The following RBPMS variants were observed in gnomAD, a reference collection of about 807,000 sequenced individuals.
RBPMS encodes RNA binding protein, mRNA processing factor.
In RBPMS, 7 loss-of-function variants were observed where a neutral mutation model predicts 26.8. The observed-to-expected ratio is 0.26, with a 90% CI of 0.15 to 0.49. The LOEUF is 0.49. Among genes scored for constraint, RBPMS ranks in the 20% least tolerant of loss-of-function variants. The pLI is 0.98. For synonymous variants in RBPMS, 96 were observed against 93.3 expected (o/e 1.03, Z -0.17); for missense variants, 186 against 250.0 (o/e 0.74, Z 1.73).
rs1817320304 is a variant in RBPMS at position 30,473,171 on chromosome 8, C to T, written c.67-1608C>T. 3.3e-5 allele frequency among the ~76,000 whole-genome samples: 5 copies of T among 152,246 alleles called. No individual in the cohort carries two copies. The South Asian group carries it at 1.0e-3, about 32-fold the overall frequency. ...GGCTTTTGATGTTTTGTGTGTTTGA[C>T]CCTAAGCTTCTTGTTTAGTTTTGGC... On this transcript the variant is annotated intron_variant, in intron 1 of 8. Transcript: ENST00000397323.
chr8:30,504,163 T>G, intron 4 of RBPMS, 123 bp from the exon 5 acceptor site: 26 of 918,514 alleles, frequency 2.8e-5, no homozygotes, highest in Non-Finnish European at 4.0e-5. Context: ...GTAGTAAGAA[T>G]GAGAGTGGTT....
chr8:30,419,023 C>T, intron 1 of RBPMS, among the ~76,000 whole-genome samples: 1 of 145,852 alleles, frequency 6.9e-6, no homozygotes. Context: ...TTATCATTTG[C>T]TGTAAATGTC....
chr8:30,495,895 G>A (rs3824107), intron 4 of RBPMS, among the ~76,000 whole-genome samples: 29,814 of 152,110 alleles, frequency 0.2, 3,302 homozygotes, highest in South Asian at 0.39. Context: ...AAATCTTCAC[G>A]GAACTGTAAT....
chr8:30,425,705 G>C (rs1016045557), intron 1 of RBPMS, among the ~76,000 whole-genome samples: 1 of 151,914 alleles, frequency 6.6e-6, no homozygotes, highest in African/African-American at 2.4e-5. Context: ...CGGCCCGGTG[G>C]CTTTTTTTCT....
At chr8:30,473,642 C>T (rs999207956) in intron 1 of RBPMS, among the ~76,000 whole-genome samples, 1 of 152,112 alleles carries the variant, frequency 6.6e-6, no homozygotes, top group African/African-American at 2.4e-5. Context: ...GATACATGCA[C>T]GTGTATGTTC....
chr8:30,422,124 T>TTTTTA (rs1382254521), intron 1 of RBPMS, among the ~76,000 whole-genome samples: 4 of 150,378 alleles, frequency 2.7e-5, no homozygotes, highest in Non-Finnish European at 5.9e-5. Context: ...TTTTATTTTA[T>TTTTTA]TTTTATTTTA....
In RBPMS at chr8:30,384,869, T is replaced by G; in HGVS notation, c.-224T>G. The G allele has an allele frequency of 3.1e-6, 1 of 318,406 alleles. No individual in the cohort carries two copies. The highest frequency in any genetic ancestry group is 5.6e-6 in the Non-Finnish European group (1 of 178,144). The allele number at this position is 318,406 out of a possible 1,614,324, so 19.7% of individuals were successfully genotyped here. On this transcript the variant is annotated 5_prime_UTR_variant, in exon 1 of 9. Transcript: ENST00000397323. The surrounding 1 kb of genome is among the most constrained non-coding windows in gnomAD (Gnocchi z 5.6). ...GCCCGCGCCCTGCCCCGTCTCTCCC[T>G]TGCACTTCCTGAGTCGCCCGCCGCC...
At chr8:30,417,407 G>A (rs1396858886) in intron 1 of RBPMS, among the ~76,000 whole-genome samples, 1 of 152,138 alleles carries the variant, frequency 6.6e-6, no homozygotes, top group African/African-American at 2.4e-5. Context: ...ACGTGGAGAT[G>A]TCTCAGAAAA....
At chr8:30,556,459 A>G in intron 6 of RBPMS, 1 of 985,860 alleles carries the variant, frequency 1.0e-6, no homozygotes, top group Non-Finnish European at 1.2e-6. Flanking sequence ...CCTGCACCGA[A>G]AGCAGAACCA....
chr8:30,432,570 C>T (rs186025309), intron 1 of RBPMS, among the ~76,000 whole-genome samples: 6 of 152,216 alleles, frequency 3.9e-5, no homozygotes, highest in East Asian at 1.9e-4. Context: ...GCCTTCCTAT[C>T]GCAACTACCT....
At chr8:30,496,468 A>G (rs1046525830) in intron 4 of RBPMS, among the ~76,000 whole-genome samples, 91 of 152,116 alleles carry the variant, frequency 6.0e-4, no homozygotes, top group Non-Finnish European at 2.6e-4. Flanking sequence ...GTGCCCGGCC[A>G]CCCTCACTCA....
chr8:30,560,405 C>T (rs978735458), intron 7 of RBPMS, among the ~76,000 whole-genome samples: 4 of 152,146 alleles, frequency 2.6e-5, no homozygotes, highest in African/African-American at 4.8e-5. Context: ...AGCCCACAGA[C>T]GATTCTCAGA....
At chr8:30,516,066 C>A (rs1329735587) in intron 5 of RBPMS, among the ~76,000 whole-genome samples, 1 of 152,200 alleles carries the variant, frequency 6.6e-6, no homozygotes, top group East Asian at 1.9e-4. Context: ...TTAAAAACTT[C>A]TGGTCCTAAT....
chr8:30,443,504 G>C (rs1813365572), intron 1 of RBPMS, among the ~76,000 whole-genome samples: 1 of 152,166 alleles, frequency 6.6e-6, no homozygotes, highest in South Asian at 2.1e-4. Flanking sequence ...TTGTAGGGTT[G>C]TGGTAGGGGG....
intron 1 of RBPMS, among the ~76,000 whole-genome samples, chr8:30,428,442 C>G (rs1010251909): frequency 5.3e-5 from 8 of 151,124 alleles, no homozygotes; most frequent in African/African-American, 1.9e-4. Flanking sequence ...GGCAATAGAT[C>G]AAGACGCTGT....
intron 8 of RBPMS, among the ~76,000 whole-genome samples, chr8:30,568,227 G>T (rs959813009): frequency 3.9e-5 from 6 of 152,278 alleles, no homozygotes; most frequent in African/African-American, 1.2e-4. Flanking sequence ...TTTGGAGTTG[G>T]GGGGAGAACA....
At chr8:30,486,350 AT>A (rs1818766300) in intron 4 of RBPMS, among the ~76,000 whole-genome samples, 1 of 138,350 alleles carries the variant, frequency 7.2e-6, no homozygotes, top group African/African-American at 2.6e-5. Flanking sequence ...AAATAAATAA[AT>A]AAATAAATAA....
At chr8:30,434,267 G>A (rs943580114) in intron 1 of RBPMS, among the ~76,000 whole-genome samples, 1 of 152,172 alleles carries the variant, frequency 6.6e-6, no homozygotes, top group Admixed American at 6.5e-5. Context: ...ATTAGGTCCA[G>A]TACTGGGGAT....
chr8:30,472,823 C>A (rs1563351752), intron 1 of RBPMS, among the ~76,000 whole-genome samples: 1 of 152,158 alleles, frequency 6.6e-6, no homozygotes, highest in Admixed American at 6.5e-5. Flanking sequence ...TGCCTGTAAT[C>A]CCAGCACTGT....
Sources: gnomAD v4.1 joint callset for allele counts (sites outside exome capture counted in the v4.1 genomes callset) on GRCh38, gnomAD v4.1.1 for gene constraint, Gnocchi (gnomAD v3.1) non-coding constraint, MANE v1.5 for transcripts, NCBI Gene and HGNC (gene_info 2026-07-23, HGNC 2026-07-21) for gene names.